Variants in NT5DC3 observed in about 807,000 individuals in gnomAD.
NT5DC3 encodes 5'-nucleotidase domain containing 3.
NT5DC3 carries 42 observed loss-of-function variants against 67.8 expected under a neutral mutation model. The ratio of observed to expected loss-of-function variants is 0.62; its 90% confidence interval spans 0.48 to 0.80. The LOEUF (loss-of-function observed/expected upper bound fraction) is 0.80, where lower values mean the gene tolerates loss of function less well. NT5DC3 is among the 30% of genes least tolerant of loss of function. The probability of loss-of-function intolerance (pLI) is 0.00; values close to 1 mark genes in which losing one functional copy is unlikely to be tolerated. For synonymous variants in NT5DC3, 237 were observed against 255.6 expected (o/e 0.93, Z 0.69); for missense variants, 570 against 696.4 (o/e 0.82, Z 2.04).
intron 4 of NT5DC3, among the ~76,000 whole-genome samples, chr12:103,804,255 G>T (rs1414987345): frequency 1.3e-5 from 2 of 152,150 alleles, no homozygotes; most frequent in African/African-American, 2.4e-5. Flanking sequence ...CAATAGACAA[G>T]ACATTTCCAC....
chr12:103,840,080 T>G (rs1221988523), intron 1 of NT5DC3, among the ~76,000 whole-genome samples: 2 of 152,078 alleles, frequency 1.3e-5, no homozygotes, highest in Non-Finnish European at 2.9e-5. Flanking sequence ...GCTGAGACAG[T>G]CCCTAAATTC....
intron 1 of NT5DC3, among the ~76,000 whole-genome samples, chr12:103,834,945 T>A (rs1028565385): frequency 6.6e-6 from 1 of 152,222 alleles, no homozygotes; most frequent in African/African-American, 2.4e-5. Context: ...TCATCGGTAC[T>A]TCTTCTGACT....
At chr12:103,805,450 A>G (rs1435643813) in intron 4 of NT5DC3, among the ~76,000 whole-genome samples, 7 of 152,210 alleles carry the variant, frequency 4.6e-5, no homozygotes, top group Non-Finnish European at 2.9e-5. Flanking sequence ...ATGTAAGCTA[A>G]GACATACTTT....
intron 1 of NT5DC3, among the ~76,000 whole-genome samples, chr12:103,838,026 G>A (rs1169570305): frequency 6.6e-6 from 1 of 152,142 alleles, no homozygotes; most frequent in Non-Finnish European, 1.5e-5. Context: ...GTTCCACATG[G>A]CCACAGAGGC....
At chr12:103,832,736 G>A (rs1381334306) in intron 1 of NT5DC3, among the ~76,000 whole-genome samples, 1 of 152,072 alleles carries the variant, frequency 6.6e-6, no homozygotes, top group Non-Finnish European at 1.5e-5. Context: ...CTAAAAAACA[G>A]TCCCCATGCT....
At position 103,778,027 on chromosome 12, in the gene NT5DC3, G is replaced by A; in HGVS notation, c.1449C>T (p.Asp483=). The A allele has an allele frequency of 1.2e-6, 2 of 1,614,176 alleles. No homozygotes were observed. Among genetic ancestry groups the A allele is most frequent in the Non-Finnish European group, 1.7e-6 (2 of 1,179,996 alleles). ...NAQFGSLFRT[D]QNPTYFLRRL... Reference sequence around the variant, plus strand: ...GCCTTAGGAAGTAGGTTGGGTTCTGGTCTGTGCGGAACAGGCTTCCAAACT... The same window carrying A: ...GCCTTAGGAAGTAGGTTGGGTTCTGATCTGTGCGGAACAGGCTTCCAAACT... Residue 483 remains aspartate, a synonymous_variant, in exon 14 of 14, where the codon GAC becomes GAT. Coordinates refer to ENST00000392876, the MANE Select transcript of NT5DC3 (RefSeq NM_001031701.3).
At chr12:103,747,289 G>C in the NT5DC3 span, among the ~76,000 whole-genome samples, 1 of 152,206 alleles carries the variant, frequency 6.6e-6, no homozygotes, top group Middle Eastern at 3.2e-3. Context: ...TATAGGTTCA[G>C]CCATACAGAG....
At chr12:103,800,581 G>A (rs936851613) in intron 4 of NT5DC3, among the ~76,000 whole-genome samples, 2 of 152,350 alleles carry the variant, frequency 1.3e-5, no homozygotes, top group South Asian at 2.1e-4. Context: ...ACCAAATGGC[G>A]GCTCAGAAGA....
intron 1 of NT5DC3, among the ~76,000 whole-genome samples, chr12:103,823,237 A>G (rs867283997): frequency 6.6e-6 from 1 of 151,698 alleles, no homozygotes; most frequent in Middle Eastern, 3.4e-3. Flanking sequence ...AAAAAAAAAA[A>G]CAGAAAAAGC....
At chr12:103,755,194 T>G in the NT5DC3 span, 38 of 1,478,948 alleles carry the variant, frequency 2.6e-5, no homozygotes, top group Non-Finnish European at 3.0e-5. Flanking sequence ...ATAGGCAAAG[T>G]GAGACTTTAT....
chr12:103,788,515 G>C (rs1255263478), intron 10 of NT5DC3, among the ~76,000 whole-genome samples: 1 of 152,162 alleles, frequency 6.6e-6, no homozygotes, highest in Non-Finnish European at 1.5e-5. Context: ...TTAGTAATTT[G>C]AGTGAATAAT....
At chr12:103,751,875 C>T in the NT5DC3 span, among the ~76,000 whole-genome samples, 1 of 152,194 alleles carries the variant, frequency 6.6e-6, no homozygotes, top group Non-Finnish European at 1.5e-5. Flanking sequence ...CACGTTGGAC[C>T]TCCCTTCTGT....
At chr12:103,833,794 C>T (rs1369126546) in intron 1 of NT5DC3, among the ~76,000 whole-genome samples, 1 of 151,808 alleles carries the variant, frequency 6.6e-6, no homozygotes, top group Non-Finnish European at 1.5e-5. Context: ...AGGAAGGCTT[C>T]CATTCTGTAC....
At chr12:103,762,144 G>A in the NT5DC3 span, 2 of 1,276,804 alleles carry the variant, frequency 1.6e-6, no homozygotes, top group Non-Finnish European at 2.2e-6. Flanking sequence ...CAGTAATAAG[G>A]GCCAGATACA....
At chr12:103,823,468 C>A (rs534848980) in intron 1 of NT5DC3, among the ~76,000 whole-genome samples, 2 of 152,246 alleles carry the variant, frequency 1.3e-5, no homozygotes, top group African/African-American at 2.4e-5. Flanking sequence ...TTTTAAATAT[C>A]TATTTCTATG....
chr12:103,822,501 C>T (rs1189633980), intron 1 of NT5DC3, among the ~76,000 whole-genome samples: 3 of 152,240 alleles, frequency 2.0e-5, no homozygotes, highest in Non-Finnish European at 2.9e-5. Context: ...AATGTCTCTA[C>T]TGTCTTTATT....
chr12:103,789,878 G>A (rs896681223), intron 9 of NT5DC3, among the ~76,000 whole-genome samples: 11 of 151,984 alleles, frequency 7.2e-5, no homozygotes, highest in East Asian at 1.9e-4. Context: ...AAAAAGGTAC[G>A]CAACCCAGAA....
intron 4 of NT5DC3, 107 bp downstream of exon 4, chr12:103,806,215 T>G (rs569677097): frequency 1.4e-6 from 1 of 731,230 alleles, no homozygotes; most frequent in South Asian, 1.5e-5. Context: ...AATGAATGAA[T>G]CATATTCACA....
intron 1 of NT5DC3, among the ~76,000 whole-genome samples, chr12:103,825,796 G>A (rs888877333): frequency 1.3e-5 from 2 of 152,146 alleles, no homozygotes; most frequent in South Asian, 2.1e-4. Context: ...CATGTCGAAT[G>A]ATCAAAAAAT....
Sources: gnomAD v4.1 joint callset for allele counts (sites outside exome capture counted in the v4.1 genomes callset) on GRCh38, gnomAD v4.1.1 for gene constraint, MANE v1.5 for transcripts, NCBI Gene and HGNC (gene_info 2026-07-23, HGNC 2026-07-21) for gene names.